Variants in SEC24D observed in about 807,000 individuals in gnomAD.
SEC24D encodes SEC24 homolog D, COPII component.
In SEC24D, 69 loss-of-function variants were observed where a neutral mutation model predicts 116.9. The ratio of observed to expected loss-of-function variants is 0.59; its 90% CI spans 0.49 to 0.72. SEC24D has a LOEUF of 0.72. Among genes scored for constraint, SEC24D ranks in the 30% least tolerant of loss-of-function variants. The probability of loss-of-function intolerance (pLI) is 0.00; values close to 1 mark genes in which losing one functional copy is unlikely to be tolerated. For synonymous variants in SEC24D, 405 were observed against 442.8 expected, an observed-to-expected ratio of 0.91 and a Z score of 1.07; for missense variants, 1,131 against 1,264.1, an observed-to-expected ratio of 0.89 and a Z score of 1.60.
chr4:118,793,313 A>G (rs1422096807), intron 8 of SEC24D, among the ~76,000 whole-genome samples: 1 of 151,426 alleles, frequency 6.6e-6, no homozygotes, highest in African/African-American at 2.4e-5. Context: ...TAAAAATACA[A>G]AAAATTAGCC....
At chr4:118,831,530 G>A (rs979347232) in intron 2 of SEC24D, among the ~76,000 whole-genome samples, 2 of 152,008 alleles carry the variant, frequency 1.3e-5, no homozygotes, top group African/African-American at 2.4e-5. Flanking sequence ...TCCAACCCAC[G>A]GCCCACACGC....
At chr4:118,759,027 C>T (rs1727243874) in intron 10 of SEC24D, among the ~76,000 whole-genome samples, 1 of 152,148 alleles carries the variant, frequency 6.6e-6, no homozygotes, top group Non-Finnish European at 1.5e-5. Flanking sequence ...TAAATCAAAA[C>T]CTCTTTGTGA....
At chr4:118,808,724 A>G (rs996292734) in intron 6 of SEC24D, among the ~76,000 whole-genome samples, 1 of 152,230 alleles carries the variant, frequency 6.6e-6, no homozygotes, top group Non-Finnish European at 1.5e-5. Context: ...AACTACTTCA[A>G]AAGGTATAGA....
chr4:118,734,623 CGTAA>C (rs33959292), intron 19 of SEC24D, among the ~76,000 whole-genome samples: 2,217 of 152,268 alleles, frequency 0.015, 58 homozygotes, highest in African/African-American at 0.05. Context: ...AAATTCATAT[CGTAA>C]GTCTCTTCTC....
chr4:118,731,886 C>T (rs545540667), intron 20 of SEC24D, among the ~76,000 whole-genome samples: 15 of 152,124 alleles, frequency 9.9e-5, no homozygotes, highest in Admixed American at 9.2e-4. Flanking sequence ...AAGGTGCCAT[C>T]GGGACAACTG....
At chr4:118,783,761 C>G (rs1252265088) in intron 8 of SEC24D, among the ~76,000 whole-genome samples, 1 of 152,126 alleles carries the variant, frequency 6.6e-6, no homozygotes, top group Non-Finnish European at 1.5e-5. Flanking sequence ...AGAACTCAAA[C>G]CAAATGATCA....
At chr4:118,753,883 G>T (rs1351056768) in intron 11 of SEC24D, 2 of 152,116 alleles carry the variant, frequency 1.3e-5, no homozygotes, top group Non-Finnish European at 2.9e-5. Context: ...TTTGATTAAA[G>T]GACAACTTTT....
intron 11 of SEC24D, among the ~76,000 whole-genome samples, chr4:118,753,170 T>A (rs1356730683): frequency 1.3e-5 from 2 of 152,102 alleles, no homozygotes; most frequent in Non-Finnish European, 2.9e-5. Context: ...TTATTTTCAA[T>A]CTATAGAAAA....
Position 118,797,826 on chromosome 4 carries a change from G to T in SEC24D, c.914-16C>A. The T allele has an allele frequency of 6.4e-7, 1 of 1,569,534 alleles. No individual in the cohort carries two copies. The highest frequency in any genetic ancestry group is 1.8e-5 in the Admixed American group (1 of 57,122). On this transcript the variant is annotated splice_polypyrimidine_tract_variant and intron_variant, in intron 7 of 22. Coordinates refer to ENST00000280551, the MANE Select transcript of SEC24D (RefSeq NM_014822.4). The stretch of plus-strand genomic sequence containing the variant: ...CTGGCATTTCCTGAAACATTCAAAA[G>T]GATACACTTAAAACTTGTTTAGAAA...
intron 22 of SEC24D, 107 bp from the exon 23 acceptor site, chr4:118,723,762 T>C: frequency 8.2e-7 from 1 of 1,213,214 alleles, no homozygotes; most frequent in Non-Finnish European, 1.2e-6. Context: ...GAATGCCCAT[T>C]ATGTGTGAGG....
chr4:118,787,820 T>C (rs1055034665), intron 8 of SEC24D, among the ~76,000 whole-genome samples: 1 of 151,948 alleles, frequency 6.6e-6, no homozygotes, highest in African/African-American at 2.4e-5. Flanking sequence ...AAATAAATAA[T>C]GAAATAAACA....
At chr4:118,780,925 T>C (rs1728375148) in intron 8 of SEC24D, among the ~76,000 whole-genome samples, 1 of 142,852 alleles carries the variant, frequency 7.0e-6, no homozygotes, top group African/African-American at 2.6e-5. Context: ...TTTTTTTTTT[T>C]TTTTTTTGCT....
At chr4:118,810,981 T>C (rs1437672583) in intron 6 of SEC24D, among the ~76,000 whole-genome samples, 1 of 152,048 alleles carries the variant, frequency 6.6e-6, no homozygotes, top group Non-Finnish European at 1.5e-5. Context: ...GAGAACGGAG[T>C]AAACAGATGT....
intron 6 of SEC24D, among the ~76,000 whole-genome samples, chr4:118,810,030 C>A (rs922791891): frequency 7.2e-6 from 1 of 138,206 alleles, no homozygotes; most frequent in African/African-American, 2.8e-5. Context: ...TGTTGCTGGT[C>A]AAAGTGGGTG....
chr4:118,735,173 T>C (rs77868065), intron 19 of SEC24D, among the ~76,000 whole-genome samples: 27 of 152,060 alleles, frequency 1.8e-4, no homozygotes, highest in African/African-American at 4.8e-4. Flanking sequence ...TCAGAGGAGA[T>C]TGGATTATAG....
intron 8 of SEC24D, among the ~76,000 whole-genome samples, chr4:118,777,570 T>C (rs1010338021): frequency 1.2e-4 from 19 of 152,248 alleles, no homozygotes; most frequent in African/African-American, 4.3e-4. Flanking sequence ...ACAATAAACA[T>C]ACATGTGCAT....
At position 118,768,439 on chromosome 4, in the gene SEC24D, G is replaced by A. The variant is rs143578487; in HGVS notation, c.1042-128C>T. On this transcript the variant is annotated intron_variant, in intron 8 of 22. Coordinates refer to ENST00000280551, the MANE Select transcript of SEC24D (RefSeq NM_014822.4). The stretch of plus-strand genomic sequence containing the variant: ...AGACAGAGTCTTGCTCTGTCACTCA[G>A]GCTAGAGTGCAATGGCATGATGTTT... The A allele has an allele frequency of 4.7e-4, 321 of 685,152 alleles. 1 individual carries two copies. In the African/African-American group the frequency reaches 5.6e-3, roughly 12 times the overall value. The allele number at this position is 685,152 out of a possible 1,614,324, so 42.4% of individuals were successfully genotyped here. A position where few individuals can be genotyped will look rare whatever the true frequency, so the allele number is the denominator to read the frequency against.
chr4:118,787,923 C>CT (rs1311776306), intron 8 of SEC24D, among the ~76,000 whole-genome samples: 3 of 152,146 alleles, frequency 2.0e-5, no homozygotes, highest in Non-Finnish European at 4.4e-5. Context: ...AGTGATTCTC[C>CT]TGCCTCAGCT....
At chr4:118,803,616 T>C (rs1410274489) in intron 7 of SEC24D, among the ~76,000 whole-genome samples, 1 of 152,224 alleles carries the variant, frequency 6.6e-6, no homozygotes, top group East Asian at 1.9e-4. Context: ...CTTGCCAGAT[T>C]GTTCACTCAT....
Sources: allele counts gnomAD v4.1 joint callset (sites outside exome capture counted in the v4.1 genomes callset), GRCh38; gene constraint gnomAD v4.1.1; transcripts MANE v1.5; gene names NCBI Gene and HGNC (gene_info 2026-07-23, HGNC 2026-07-21).